The following POLR3B variants were observed in gnomAD, a reference collection of about 807,000 sequenced individuals.
POLR3B encodes the protein DNA-directed RNA polymerase III subunit RPC2.
Under a neutral mutation model 147.4 loss-of-function variants are expected in POLR3B, and 96 were observed. The observed-to-expected ratio is 0.65, with a 90% confidence interval of 0.55 to 0.77. The LOEUF is 0.77. POLR3B is among the 30% of genes least tolerant of loss of function. The pLI, the probability that POLR3B is intolerant of heterozygous loss-of-function variation, is 0.00. For missense variants in POLR3B, 1,036 were observed against 1,413.5 expected (o/e 0.73, Z 4.28); for synonymous variants, 461 against 485.9 (o/e 0.95, Z 0.67).
chr12:106,400,109 C>T (rs1290825613), intron 10 of POLR3B, among the ~76,000 whole-genome samples: 1 of 152,128 alleles, frequency 6.6e-6, no homozygotes, highest in Non-Finnish European at 1.5e-5. Flanking sequence ...CAGAGACACA[C>T]ATAGGCTCAA....
intron 19 of POLR3B, among the ~76,000 whole-genome samples, chr12:106,449,180 A>T (rs1409341259): frequency 2.6e-5 from 4 of 152,254 alleles, no homozygotes; most frequent in East Asian, 3.8e-4. Flanking sequence ...CTTTATACGC[A>T]TAGCCTAAAG....
Position 106,358,152 on chromosome 12 carries a change from G to A in POLR3B, c.72+201G>A. On this transcript the variant is annotated intron_variant, in intron 1 of 27. Coordinates refer to ENST00000228347, the MANE Select transcript of POLR3B (RefSeq NM_018082.6). ...TGCGCGAGTGAAGGCTGATCCCAGA[G>A]GAGCTGTCAGCCGCTGCGGGGGCCG... 9 of 1,451,702 alleles carry A rather than the reference G, an allele frequency of 6.2e-6. No homozygotes were observed. In the Admixed American group the frequency reaches 7.8e-5, roughly 13 times the overall value. 89.9% of individuals were successfully genotyped at this position (1,451,702 alleles called of 1,614,324 possible).
At position 106,399,146 on chromosome 12, in the gene POLR3B, G is replaced by A. The variant is rs981502988; in HGVS notation, c.846+5993G>A. ...CAGAGAAGTCCTTAAAGGACCTGAT[G>A]GACCTGAAAACCAAGGCACGAGAAC... On this transcript the variant is annotated intron_variant, in intron 10 of 27. Transcript: ENST00000228347. Among the ~76,000 whole-genome samples, 3 of 152,178 alleles carry A rather than the reference G, an allele frequency of 2.0e-5. No individual in the cohort carries two copies. In the South Asian group the frequency reaches 6.2e-4, roughly 32 times the overall value.
intron 7 of POLR3B, among the ~76,000 whole-genome samples, chr12:106,377,909 G>A (rs2036702415): frequency 6.6e-6 from 1 of 152,104 alleles, no homozygotes; most frequent in Admixed American, 6.6e-5. Context: ...GAAGCATAGT[G>A]AGACCCTGTT....
At chr12:106,432,102 T>A (rs1490968616) in intron 14 of POLR3B, among the ~76,000 whole-genome samples, 2 of 152,212 alleles carry the variant, frequency 1.3e-5, no homozygotes, top group African/African-American at 4.8e-5. Context: ...TGTATCTAAA[T>A]CTATTTTATA....
intron 23 of POLR3B, among the ~76,000 whole-genome samples, chr12:106,467,630 G>A (rs931368142): frequency 3.3e-5 from 5 of 152,178 alleles, no homozygotes; most frequent in African/African-American, 9.6e-5. Flanking sequence ...ATGTTCCATC[G>A]ATACCTGGTT....
At chr12:106,474,983 G>C (rs1297916292) in intron 23 of POLR3B, among the ~76,000 whole-genome samples, 1 of 125,642 alleles carries the variant, frequency 8.0e-6, no homozygotes, top group African/African-American at 3.6e-5. Context: ...GATCTTTCCT[G>C]CTTTCTCTTG....
At chr12:106,481,304 G>A (rs2038264483) in intron 23 of POLR3B, among the ~76,000 whole-genome samples, 1 of 152,226 alleles carries the variant, frequency 6.6e-6, no homozygotes, top group Non-Finnish European at 1.5e-5. Context: ...TTGGAGGTGG[G>A]CTGGAAAAGC....
chr12:106,500,071 C>G (rs1329023022), intron 25 of POLR3B: 1 of 456,018 alleles, frequency 2.2e-6, no homozygotes, highest in South Asian at 1.5e-5. Flanking sequence ...CAGTTCTTAT[C>G]TGACCTGTCG....
In POLR3B at chr12:106,433,747, C is replaced by CA; in HGVS notation, c.1661dup (p.Leu555AlafsTer16). The CA allele has an allele frequency of 6.2e-7, 1 of 1,613,550 alleles. No homozygotes were observed. ...ACATCTTAGGTGTCATTCGAGACCA[C>CA]AAAAAGCTAGTGAATACATTTCGAC... On this transcript the variant is annotated frameshift_variant, in exon 16 of 28. Coordinates refer to ENST00000228347, the MANE Select transcript of POLR3B (RefSeq NM_018082.6). LOFTEE classifies it high-confidence loss of function.
chr12:106,401,988 A>C (rs553181585), intron 10 of POLR3B, among the ~76,000 whole-genome samples: 15 of 152,234 alleles, frequency 9.9e-5, no homozygotes, highest in African/African-American at 3.6e-4. Context: ...AAGGAAATAA[A>C]GAGTATTCAA....
intron 18 of POLR3B, among the ~76,000 whole-genome samples, chr12:106,441,027 C>T (rs1333061139): frequency 6.6e-6 from 1 of 152,092 alleles, no homozygotes; most frequent in East Asian, 1.9e-4. Context: ...CTTCCTTTCC[C>T]ATCCCACCAG....
chr12:106,359,944 T>C (rs976384829), intron 1 of POLR3B, among the ~76,000 whole-genome samples: 2 of 152,218 alleles, frequency 1.3e-5, no homozygotes, highest in African/African-American at 2.4e-5. Context: ...CTATTTCTTA[T>C]CTGAATTTAC....
intron 10 of POLR3B, among the ~76,000 whole-genome samples, chr12:106,398,583 C>A (rs1009266311): frequency 6.6e-6 from 1 of 152,192 alleles, no homozygotes; most frequent in African/African-American, 2.4e-5. Context: ...AGGCACCCCC[C>A]AGTAGGGGCG....
At position 106,494,490 on chromosome 12, in the gene POLR3B, G is replaced by A. The variant is rs192848712; in HGVS notation, c.2714-1565G>A. ...TACATTCTCCCCCGAGCTCGTCCCA[G>A]AACCGGCCCCTTTAGGGATTGCCAT... On this transcript the variant is annotated intron_variant, in intron 23 of 27. Transcript: ENST00000228347. Among the ~76,000 whole-genome samples, 228 of 152,306 alleles carry A rather than the reference G, an allele frequency of 1.5e-3. 1 individual carries two copies. Among genetic ancestry groups the A allele is most frequent in the African/African-American group, 5.1e-3 (211 of 41,564 alleles).
intron 23 of POLR3B, among the ~76,000 whole-genome samples, chr12:106,477,003 C>T (rs1052115164): frequency 7.0e-6 from 1 of 142,840 alleles, no homozygotes; most frequent in African/African-American, 2.7e-5. Flanking sequence ...GTGGTTTTAT[C>T]TACTTTTGGT....
chr12:106,492,868 C>T (rs897993317), intron 23 of POLR3B, among the ~76,000 whole-genome samples: 2 of 152,120 alleles, frequency 1.3e-5, no homozygotes, highest in African/African-American at 4.8e-5. Context: ...CTCTAACTTT[C>T]TGTGATTCTA....
intron 12 of POLR3B, among the ~76,000 whole-genome samples, chr12:106,419,401 C>T (rs1317195601): frequency 6.6e-6 from 1 of 152,166 alleles, no homozygotes; most frequent in Non-Finnish European, 1.5e-5. Flanking sequence ...TTAGGAAATT[C>T]CTTCTTTGGC....
At chr12:106,491,637 C>T (rs1476040535) in intron 23 of POLR3B, among the ~76,000 whole-genome samples, 1 of 152,204 alleles carries the variant, frequency 6.6e-6, no homozygotes, top group Non-Finnish European at 1.5e-5. Flanking sequence ...ATTATTTCAG[C>T]AGACCATCCT....
Sources: gnomAD v4.1 joint callset for allele counts (sites outside exome capture counted in the v4.1 genomes callset) on GRCh38, gnomAD v4.1.1 for gene constraint, MANE v1.5 for transcripts, NCBI Gene and HGNC (gene_info 2026-07-23, HGNC 2026-07-21) for gene names.